Variants in HS6ST2 observed in about 807,000 individuals in gnomAD.
The protein encoded by HS6ST2 is heparan sulfate 6-O-sulfotransferase 2, also known as heparan-sulfate 6-O-sulfotransferase 2.
A neutral mutation model predicts 33.0 loss-of-function variants in HS6ST2; 17 were observed. That is an observed-to-expected ratio of 0.52 (90% CI 0.35 to 0.77). The LOEUF is 0.77. Ranked by LOEUF, HS6ST2 falls within the 30% of genes least tolerant of loss-of-function variation. The probability of loss-of-function intolerance (pLI) is 0.01; values close to 1 mark genes in which losing one functional copy is unlikely to be tolerated. For synonymous variants in HS6ST2, 248 were observed against 237.1 expected (o/e 1.05, Z -0.42); for missense variants, 519 against 551.7 (o/e 0.94, Z 0.59).
chrX:132,679,678 T>C (rs1243370094), intron 3 of HS6ST2, among the ~76,000 whole-genome samples: 10 of 109,307 alleles, frequency 9.1e-5, no homozygotes, highest in African/African-American at 3.3e-4. Flanking sequence ...CTCTTCCTAT[T>C]AAGCCTGGGA....
At chrX:132,844,574 C>T (rs1276394201) in intron 2 of HS6ST2, among the ~76,000 whole-genome samples, 2 of 111,127 alleles carry the variant, frequency 1.8e-5, no homozygotes, top group Non-Finnish European at 3.8e-5. Context: ...TCTACCAGGG[C>T]AGCCATCAGC....
chrX:132,634,299 G>A (rs1364675363), intron 4 of HS6ST2, among the ~76,000 whole-genome samples: 4 of 112,014 alleles, frequency 3.6e-5, no homozygotes, highest in African/African-American at 9.7e-5. Flanking sequence ...GAAGGGTGCC[G>A]CTGAATGGAC....
At chrX:132,954,476 T>C (rs2067046318) in intron 2 of HS6ST2, among the ~76,000 whole-genome samples, 1 of 111,741 alleles carries the variant, frequency 8.9e-6, no homozygotes, top group Non-Finnish European at 1.9e-5. Context: ...CACTCTCTCA[T>C]TCTCACACAC....
chrX:132,631,605 G>GA (rs111750127), intron 4 of HS6ST2, among the ~76,000 whole-genome samples: 23,818 of 97,774 alleles, frequency 0.24, 2,885 homozygotes, highest in African/African-American at 0.43. Context: ...TGATTATTTG[G>GA]AAAAAAAAAA....
rs767626821 is a variant in HS6ST2, at chrX:132,865,591, C to G, written c.947+91217G>C. Among the ~76,000 whole-genome samples, 589 of 110,268 alleles carry G rather than the reference C, an allele frequency of 5.3e-3. 3 individuals are homozygous for G. The highest frequency in any genetic ancestry group is 0.018 in the African/African-American group (554 of 30,370). On this transcript the variant is annotated intron_variant, in intron 2 of 4. Transcript: ENST00000370833. ...ATGGTTGAACTAGTTTACAGTCTCA[C>G]CAACAGTGTAAAAGTGTTCCTATTT...
intron 2 of HS6ST2, among the ~76,000 whole-genome samples, chrX:132,925,427 C>A (rs958743888): frequency 1.2e-4 from 14 of 112,046 alleles, no homozygotes; most frequent in African/African-American, 4.2e-4. Context: ...GTACAGGTGA[C>A]AACCTGGGAC....
chrX:132,777,225 C>T (rs1240746457), intron 2 of HS6ST2, among the ~76,000 whole-genome samples: 1 of 107,599 alleles, frequency 9.3e-6, no homozygotes, highest in Non-Finnish European at 1.9e-5. Context: ...GTCTCTTCAA[C>T]AGGATTGGAA....
intron 2 of HS6ST2, among the ~76,000 whole-genome samples, chrX:132,929,872 A>G (rs988271592): frequency 8.0e-5 from 9 of 112,106 alleles, no homozygotes; most frequent in African/African-American, 2.9e-4. Flanking sequence ...ACAGGACCTA[A>G]CCACAGCTAG....
intron 2 of HS6ST2, among the ~76,000 whole-genome samples, chrX:132,827,429 G>C: frequency 9.1e-6 from 1 of 110,343 alleles, no homozygotes; most frequent in East Asian, 2.9e-4. Flanking sequence ...TTACAGCAAA[G>C]GACGAGAAAG....
In HS6ST2 at chrX:132,628,175, T is replaced by C. The variant is rs2063491782; in HGVS notation, c.*48A>G. 1.1e-6 allele frequency: 1 copy of C among 905,552 alleles called. No individual in the cohort carries two copies. Among genetic ancestry groups the C allele is most frequent in the East Asian group, 3.4e-5 (1 of 29,336 alleles). 74.6% of individuals were successfully genotyped at this position (905,552 alleles called of 1,213,427 possible). On this transcript the variant is annotated 3_prime_UTR_variant, in exon 5 of 5. Transcript: ENST00000370833. ...CTTTCATCTTTTAAGCTATGCCATC[T>C]TTTCAGTGGCGCTTTGGGAGAAGTA...
intron 2 of HS6ST2, among the ~76,000 whole-genome samples, chrX:132,831,591 A>G (rs1406331429): frequency 9.0e-6 from 1 of 111,578 alleles, no homozygotes; most frequent in African/African-American, 3.3e-5. Context: ...GATACTTTGG[A>G]AATGGTTCTC....
chrX:132,806,731 A>AT (rs748417258), intron 2 of HS6ST2, among the ~76,000 whole-genome samples: 16 of 109,353 alleles, frequency 1.5e-4, no homozygotes, highest in African/African-American at 4.7e-4. Context: ...TCTTCTTTTG[A>AT]TTTTTTTCAA....
At chrX:132,882,421 CTGTT>C (rs1380126993) in intron 2 of HS6ST2, among the ~76,000 whole-genome samples, 2 of 106,028 alleles carry the variant, frequency 1.9e-5, no homozygotes, top group Non-Finnish European at 3.9e-5. Flanking sequence ...ATTTGGCTCT[CTGTT>C]TGTCTGTTAT....
chrX:132,854,775 T>C (rs1279938130), intron 2 of HS6ST2, among the ~76,000 whole-genome samples: 1 of 112,223 alleles, frequency 8.9e-6, no homozygotes, highest in African/African-American at 3.2e-5. Context: ...TCTTATGCCC[T>C]TTACAAACCT....
intron 2 of HS6ST2, among the ~76,000 whole-genome samples, chrX:132,884,094 G>C (rs890130002): frequency 9.0e-6 from 1 of 111,258 alleles, no homozygotes; most frequent in African/African-American, 3.3e-5. Context: ...TGACTTCCGA[G>C]TGAATGGGAA....
At chrX:132,710,045 CTT>C (rs766442937) in intron 2 of HS6ST2, among the ~76,000 whole-genome samples, 1 of 111,351 alleles carries the variant, frequency 9.0e-6, no homozygotes, top group East Asian at 2.8e-4. Context: ...ATTATTGTCT[CTT>C]GAGTTTTTTT....
chrX:132,913,564 T>A (rs2066554609), intron 2 of HS6ST2, among the ~76,000 whole-genome samples: 1 of 111,703 alleles, frequency 9.0e-6, no homozygotes, highest in East Asian at 2.9e-4. Context: ...GTGGCAAGTG[T>A]GGGATCTGGG....
chrX:132,711,880 C>T (rs985341152), intron 2 of HS6ST2, among the ~76,000 whole-genome samples: 2 of 111,438 alleles, frequency 1.8e-5, no homozygotes, highest in Non-Finnish European at 3.8e-5. Context: ...TGCACCGCCA[C>T]CACCCTCCAC....
chrX:132,754,635 T>A (rs1038022049), intron 2 of HS6ST2, among the ~76,000 whole-genome samples: 2 of 109,568 alleles, frequency 1.8e-5, no homozygotes, highest in African/African-American at 3.3e-5. Flanking sequence ...GCCAGGATGG[T>A]CTTGATCTCT....
Sources: gnomAD v4.1 joint callset for allele counts (sites outside exome capture counted in the v4.1 genomes callset) on GRCh38, gnomAD v4.1.1 for gene constraint, MANE v1.5 for transcripts, NCBI Gene and HGNC (gene_info 2026-07-23, HGNC 2026-07-21) for gene names.